PEX7: variants seen among roughly 807,000 people sequenced by gnomAD.
The protein encoded by PEX7 is PTS2 receptor.
A neutral mutation model predicts 47.5 loss-of-function variants in PEX7; 34 were observed. The observed-to-expected ratio is 0.72, with a 90% CI of 0.54 to 0.95. The LOEUF is 0.95. PEX7 is among the 40% of genes least tolerant of loss of function. The pLI, the probability that PEX7 is intolerant of heterozygous loss-of-function variation, is 0.00. For synonymous variants in PEX7, 141 were observed against 148.8 expected (o/e 0.95, Z 0.38); for missense variants, 394 against 400.3 (o/e 0.98, Z 0.13).
At position 136,841,907 on chromosome 6, in the gene PEX7, A is replaced by T. The variant is rs191544034; in HGVS notation, c.340-3708A>T. Among the ~76,000 whole-genome samples, 462 of 144,012 alleles carry T rather than the reference A, an allele frequency of 3.2e-3. 7 individuals carry two copies. In the South Asian group the frequency reaches 0.035, roughly 11 times the overall value. The allele number at this position is 144,012 out of a possible 152,430, so 94.5% of individuals were successfully genotyped here. ...GGTGTAATTACTCTTTTTTTAAATT[A>T]AAAAAAAAAACCCACACAGTCTCCT... On this transcript the variant is annotated intron_variant, in intron 3 of 9. Coordinates refer to ENST00000318471, the MANE Select transcript of PEX7 (RefSeq NM_000288.4).
intron 8 of PEX7, among the ~76,000 whole-genome samples, chr6:136,889,911 GT>G (rs1775526269): frequency 6.6e-6 from 1 of 152,202 alleles, no homozygotes; most frequent in Non-Finnish European, 1.5e-5. Flanking sequence ...TGCAATTATA[GT>G]TTTTAAGAAA....
chr6:136,845,652 A>G lies in PEX7; in HGVS notation c.377A>G (p.Gln126Arg). ...SVDWSQTRGE[Q>R]LVVSGSWDQT... is the part of the protein sequence containing the mutation. Reference sequence around the variant, plus strand: ...GATTGGAGCCAAACCAGAGGTGAACAGCTTGTGGTGTCTGGCTCATGGGAT... The same window carrying G: ...GATTGGAGCCAAACCAGAGGTGAACGGCTTGTGGTGTCTGGCTCATGGGAT... The change falls in exon 4 of 10, where the codon CAG (glutamine) becomes CGG (arginine). Residue 126 changes from glutamine (Q) to arginine (R), a missense_variant. Physicochemically the swap from Gln to Arg is conservative, Grantham distance 43. Coordinates refer to ENST00000318471, the MANE Select transcript of PEX7 (RefSeq NM_000288.4). 6.2e-7 allele frequency: 1 copy of G among 1,611,710 alleles called. No homozygotes were observed. The highest frequency in any genetic ancestry group is 8.5e-7 in the Non-Finnish European group (1 of 1,177,830).
chr6:136,845,471 A>C (rs1774578562), intron 3 of PEX7, 144 bp from the exon 4 acceptor site: 1 of 702,930 alleles, frequency 1.4e-6, no homozygotes, highest in Non-Finnish European at 2.6e-6. Flanking sequence ...TTTCTCAGAC[A>C]CCTTGTTGAG....
At chr6:136,903,036 ATAT>A (rs1775779440) in intron 9 of PEX7, among the ~76,000 whole-genome samples, 1 of 152,160 alleles carries the variant, frequency 6.6e-6, no homozygotes, top group Non-Finnish European at 1.5e-5. Flanking sequence ...CTCTTATACC[ATAT>A]TATTATGTTT....
chr6:136,846,718 C>G (rs1774610566), intron 5 of PEX7, among the ~76,000 whole-genome samples: 1 of 152,052 alleles, frequency 6.6e-6, no homozygotes, highest in Admixed American at 6.6e-5. Context: ...GTATATGTGC[C>G]ACATTTTCTT....
intron 8 of PEX7, among the ~76,000 whole-genome samples, chr6:136,877,385 T>C (rs1370010556): frequency 2.6e-5 from 4 of 152,234 alleles, no homozygotes; most frequent in African/African-American, 9.6e-5. Context: ...ATGAAGTCTT[T>C]GCCCATGCCT....
At chr6:136,888,167 G>T (rs1775499232) in intron 8 of PEX7, among the ~76,000 whole-genome samples, 1 of 151,914 alleles carries the variant, frequency 6.6e-6, no homozygotes, top group South Asian at 2.1e-4. Flanking sequence ...ACTTTGCCTA[G>T]TCCCCGTTAC....
intron 8 of PEX7, among the ~76,000 whole-genome samples, chr6:136,893,202 C>CTTTTTTTTTTTTTTTTTTT (rs1487406339): frequency 2.0e-5 from 3 of 150,452 alleles, no homozygotes; most frequent in Non-Finnish European, 4.5e-5. Context: ...CTTTTTTTTT[C>CTTTTTTTTTTTTTTTTTTT]TTTTTTTAAA....
intron 3 of PEX7, among the ~76,000 whole-genome samples, chr6:136,842,274 C>T (rs183729248): frequency 9.2e-5 from 14 of 152,304 alleles, no homozygotes; most frequent in Admixed American, 2.0e-4. Flanking sequence ...GGATTACAGG[C>T]GTGAGCCACC....
At chr6:136,857,663 C>T (rs552382931) in intron 5 of PEX7, among the ~76,000 whole-genome samples, 14 of 131,622 alleles carry the variant, frequency 1.1e-4, no homozygotes, top group Non-Finnish European at 1.8e-4. Flanking sequence ...AGGAGACTTT[C>T]TTTGGTCATG....
At chr6:136,855,973 A>T (rs1446311967) in intron 5 of PEX7, 1 of 197,354 alleles carries the variant, frequency 5.1e-6, no homozygotes, top group African/African-American at 2.4e-5. Flanking sequence ...GAGCTGAGTC[A>T]CACACCTCTT....
intron 6 of PEX7, among the ~76,000 whole-genome samples, chr6:136,867,039 G>A (rs1775084765): frequency 6.6e-6 from 1 of 152,072 alleles, no homozygotes; most frequent in Non-Finnish European, 1.5e-5. Context: ...CTGCAATTTT[G>A]TATCATCTTT....
At chr6:136,889,945 T>C (rs1775526696) in intron 8 of PEX7, among the ~76,000 whole-genome samples, 1 of 152,208 alleles carries the variant, frequency 6.6e-6, no homozygotes, top group African/African-American at 2.4e-5. Context: ...CAGAAAAACC[T>C]GTCTTTCCCT....
At chr6:136,885,063 C>T (rs1464964170) in intron 8 of PEX7, among the ~76,000 whole-genome samples, 2 of 152,122 alleles carry the variant, frequency 1.3e-5, no homozygotes, top group East Asian at 3.8e-4. Flanking sequence ...GTTGTAAATG[C>T]TTGTTTTTGG....
intron 1 of PEX7, chr6:136,823,429 C>T (rs1562724506): frequency 1.1e-6 from 1 of 881,784 alleles, no homozygotes; most frequent in Admixed American, 6.2e-5. Flanking sequence ...CGCATTGGCT[C>T]AGCCTGTGGT....
chr6:136,876,545 T>C (rs2115237838), intron 8 of PEX7, among the ~76,000 whole-genome samples: 1 of 152,308 alleles, frequency 6.6e-6, no homozygotes, highest in South Asian at 2.1e-4. Flanking sequence ...TGTGTCCATG[T>C]GATCTCGTTG....
intron 2 of PEX7, among the ~76,000 whole-genome samples, chr6:136,826,049 A>G (rs1287296624): frequency 6.6e-6 from 1 of 152,090 alleles, no homozygotes; most frequent in Non-Finnish European, 1.5e-5. Flanking sequence ...ATTTAAACAT[A>G]AAAAAATGTG....
At chr6:136,823,726 A>G (rs998578584) in intron 1 of PEX7, among the ~76,000 whole-genome samples, 1 of 152,198 alleles carries the variant, frequency 6.6e-6, no homozygotes, top group African/African-American at 2.4e-5. Flanking sequence ...CCCCATCTCT[A>G]CTGAAAATAC....
At chr6:136,835,252 G>A (rs1045344585) in intron 3 of PEX7, among the ~76,000 whole-genome samples, 5 of 150,874 alleles carry the variant, frequency 3.3e-5, no homozygotes, top group South Asian at 2.1e-4. Context: ...AAACTTTGCA[G>A]CAGATTAGCA....
Sources: allele counts gnomAD v4.1 joint callset (sites outside exome capture counted in the v4.1 genomes callset), GRCh38; gene constraint gnomAD v4.1.1; transcripts MANE v1.5; gene names NCBI Gene and HGNC (gene_info 2026-07-23, HGNC 2026-07-21).